Variants in PLS3 observed in about 807,000 individuals in gnomAD.
PLS3 encodes plastin-3.
A neutral mutation model predicts 46.5 loss-of-function variants in PLS3; 11 were observed. That is an observed-to-expected ratio of 0.24 (90% CI 0.15 to 0.39). PLS3 has a LOEUF of 0.39. PLS3 is among the 10% of genes least tolerant of loss of function. The pLI, the probability that PLS3 is intolerant of heterozygous loss-of-function variation, is 1.00. For synonymous variants in PLS3, 167 were observed against 162.2 expected, an observed-to-expected ratio of 1.03 and a Z score of -0.22; for missense variants, 308 against 461.8, an observed-to-expected ratio of 0.67 and a Z score of 3.05.
chrX:115,645,846 C>T (rs2074946186), intron 11 of PLS3, among the ~76,000 whole-genome samples: 1 of 111,716 alleles, frequency 9.0e-6, no homozygotes, highest in Non-Finnish European at 1.9e-5. Flanking sequence ...TCCTGTGGGC[C>T]CAGCCTCTAG....
intron 1 of PLS3, among the ~76,000 whole-genome samples, chrX:115,606,739 A>G (rs1180874534): frequency 9.0e-6 from 1 of 111,512 alleles, no homozygotes; most frequent in Non-Finnish European, 1.9e-5. Flanking sequence ...AATAAATCCT[A>G]TGTCGTATTT....
chrX:115,577,634 C>T (rs1369731535), intron 1 of PLS3, among the ~76,000 whole-genome samples: 2 of 110,588 alleles, frequency 1.8e-5, no homozygotes, highest in African/African-American at 3.3e-5. Flanking sequence ...TGCACCACCA[C>T]GTCTGGATAA....
intron 1 of PLS3, among the ~76,000 whole-genome samples, chrX:115,594,936 T>G: frequency 9.0e-6 from 1 of 111,397 alleles, no homozygotes; most frequent in South Asian, 3.8e-4. Context: ...AGTTAGTTAA[T>G]GTACCTTAGC....
intron 8 of PLS3, among the ~76,000 whole-genome samples, chrX:115,639,234 A>G (rs949843348): frequency 2.1e-4 from 23 of 111,854 alleles, no homozygotes; most frequent in Admixed American, 9.5e-5. Flanking sequence ...CACTTTCGCA[A>G]TTGTAGTACA....
At chrX:115,593,336 A>G (rs1012193066) in intron 1 of PLS3, among the ~76,000 whole-genome samples, 133 of 102,738 alleles carry the variant, frequency 1.3e-3, no homozygotes, top group African/African-American at 3.0e-3. Context: ...GATTTTGGGG[A>G]AAAAAAAAAA....
At chrX:115,637,545 T>C (rs2074850512) in intron 8 of PLS3, among the ~76,000 whole-genome samples, 1 of 111,846 alleles carries the variant, frequency 8.9e-6, no homozygotes, top group African/African-American at 3.2e-5. Context: ...TTGCATTGAA[T>C]TGAATTTTTT....
chrX:115,602,342 G>T (rs781990627), intron 1 of PLS3, among the ~76,000 whole-genome samples: 2 of 111,742 alleles, frequency 1.8e-5, no homozygotes, highest in Non-Finnish European at 3.8e-5. Context: ...AAATAAGTGG[G>T]TGAGTGTGGT....
At chrX:115,562,004 C>G (rs782731982) in intron 1 of PLS3, among the ~76,000 whole-genome samples, 2 of 110,985 alleles carry the variant, frequency 1.8e-5, no homozygotes, top group Admixed American at 9.5e-5. Flanking sequence ...CCCCACACCC[C>G]CTGTCCTTTT....
At chrX:115,648,753 T>C (rs900590937) in intron 15 of PLS3, among the ~76,000 whole-genome samples, 7 of 112,157 alleles carry the variant, frequency 6.2e-5, no homozygotes, top group Non-Finnish European at 1.1e-4. Context: ...AAAGGTCTAA[T>C]ATCCACAATA....
At chrX:115,646,754 A>T (rs1217283526) in intron 13 of PLS3, among the ~76,000 whole-genome samples, 1 of 112,282 alleles carries the variant, frequency 8.9e-6, no homozygotes, top group African/African-American at 3.2e-5. Flanking sequence ...TCCCTTTTTT[A>T]AAAAATAGGA....
chrX:115,606,260 C>T (rs2074493159), intron 1 of PLS3, among the ~76,000 whole-genome samples: 1 of 93,449 alleles, frequency 1.1e-5, no homozygotes, highest in African/African-American at 4.0e-5. Context: ...ACTTCAACCT[C>T]CAGAGTAGCT....
chrX:115,582,293 T>C (rs1260292119), intron 1 of PLS3, among the ~76,000 whole-genome samples: 4 of 111,660 alleles, frequency 3.6e-5, no homozygotes, highest in African/African-American at 1.3e-4. Flanking sequence ...CAGTGTGATT[T>C]TTAGGAAGTG....
In PLS3 at chrX:115,600,362, A is replaced by G. The variant is rs1475674913; in HGVS notation, c.-8-9881A>G. 4.6e-5 allele frequency among the ~76,000 whole-genome samples: 5 copies of G among 109,362 alleles called. No individual in the cohort carries two copies. The East Asian group carries it at 1.2e-3, about 25-fold the overall frequency. The allele number at this position is 109,362 out of a possible 115,157, so 95.0% of individuals were successfully genotyped here. A position where few individuals can be genotyped will look rare whatever the true frequency, so the allele number is the denominator to read the frequency against. Reference sequence around the variant, plus strand: ...GGTTGGTCCCAAACTCCTGGCCTCAAGCAGTTCTCCCACTTCTGCCTCCCA... The same window carrying G: ...GGTTGGTCCCAAACTCCTGGCCTCAGGCAGTTCTCCCACTTCTGCCTCCCA... On this transcript the variant is annotated intron_variant, in intron 1 of 15. Coordinates refer to ENST00000355899, the MANE Select transcript of PLS3 (RefSeq NM_005032.7).
At chrX:115,561,664 T>A (rs2074136111) in intron 1 of PLS3, among the ~76,000 whole-genome samples, 1 of 111,278 alleles carries the variant, frequency 9.0e-6, no homozygotes, top group Non-Finnish European at 1.9e-5. Flanking sequence ...CTTCCCTCTG[T>A]CGTCCTTCTC....
At chrX:115,631,929 G>A (rs113283743) in intron 5 of PLS3, among the ~76,000 whole-genome samples, 1,930 of 109,865 alleles carry the variant, frequency 0.018, 40 homozygotes, top group African/African-American at 0.061. Flanking sequence ...TCAGCCTCCC[G>A]AGTAGCTGGG....
At chrX:115,576,586 T>A (rs1254463831) in intron 1 of PLS3, among the ~76,000 whole-genome samples, 1 of 111,687 alleles carries the variant, frequency 9.0e-6, no homozygotes, top group African/African-American at 3.3e-5. Flanking sequence ...CAGATTATTC[T>A]TTTAAGCACC....
chrX:115,575,461 T>C (rs781956737), intron 1 of PLS3, among the ~76,000 whole-genome samples: 1 of 111,539 alleles, frequency 9.0e-6, no homozygotes, highest in South Asian at 3.8e-4. Flanking sequence ...TTTTGTTCCT[T>C]GAGACGGAGT....
intron 5 of PLS3, among the ~76,000 whole-genome samples, chrX:115,630,955 AAT>A (rs1238596548): frequency 8.3e-5 from 8 of 96,758 alleles, no homozygotes; most frequent in African/African-American, 3.0e-4. Flanking sequence ...ATATATATAA[AAT>A]ATATATTATA....
chrX:115,637,095 C>T (rs914227727), intron 8 of PLS3, 117 bp downstream of exon 8: 9 of 691,706 alleles, frequency 1.3e-5, no homozygotes, highest in East Asian at 3.2e-5. Context: ...GTCTCTTGGC[C>T]CTGAAGGTAG....
Sources: allele counts gnomAD v4.1 joint callset (sites outside exome capture counted in the v4.1 genomes callset), GRCh38; gene constraint gnomAD v4.1.1; transcripts MANE v1.5; gene names NCBI Gene and HGNC (gene_info 2026-07-23, HGNC 2026-07-21).